Variants in SLC44A5 observed in about 807,000 individuals in gnomAD.
SLC44A5 encodes choline transporter-like protein 5.
In SLC44A5, 57 loss-of-function variants were observed where a neutral mutation model predicts 101.8. The observed-to-expected ratio is 0.56, with a 90% CI of 0.45 to 0.70. SLC44A5 has a LOEUF of 0.70. SLC44A5 is among the 30% of genes least tolerant of loss of function. The pLI is 0.00. For missense variants in SLC44A5, 737 were observed against 853.1 expected (o/e 0.86, Z 1.70); for synonymous variants, 281 against 290.9 (o/e 0.97, Z 0.35).
At chr1:75,706,943 G>A in the SLC44A5 span, among the ~76,000 whole-genome samples, 1 of 152,174 alleles carries the variant, frequency 6.6e-6, no homozygotes, top group East Asian at 1.9e-4. Flanking sequence ...ATGACTGATT[G>A]TATCTCTAAA....
At chr1:75,263,340 T>C (rs893773708) in intron 6 of SLC44A5, among the ~76,000 whole-genome samples, 9 of 152,082 alleles carry the variant, frequency 5.9e-5, no homozygotes, top group Non-Finnish European at 1.3e-4. Flanking sequence ...AGACACTTCT[T>C]AGAAGAAGAC....
chr1:75,234,539 T>C (rs1647892706), intron 11 of SLC44A5, among the ~76,000 whole-genome samples: 1 of 152,050 alleles, frequency 6.6e-6, no homozygotes, highest in Non-Finnish European at 1.5e-5. Context: ...TATGGCTATC[T>C]AGAAGTAAGA....
intron 1 of SLC44A5, among the ~76,000 whole-genome samples, chr1:75,588,222 A>G (rs998744377): frequency 1.6e-4 from 21 of 128,580 alleles, no homozygotes; most frequent in Admixed American, 5.4e-4. Context: ...GAAGGAAGGA[A>G]GGAGGGAGGG....
At position 75,315,641 on chromosome 1, in the gene SLC44A5, A is replaced by G. The variant is rs187081048; in HGVS notation, c.102-14956T>C. ...GGCTTTCTCATGATCTTCTAATTCT[A>G]TCTGTTAATCTAAAGTAATCTCATC... is the stretch of plus-strand genomic sequence containing the variant. On this transcript the variant is annotated intron_variant, in intron 4 of 23. Transcript: ENST00000370859. 3.9e-5 allele frequency among the ~76,000 whole-genome samples: 6 copies of G among 152,166 alleles called. No homozygotes were observed. The East Asian group carries it at 1.2e-3, about 29-fold the overall frequency.
At chr1:75,272,838 G>A (rs112156016) in intron 6 of SLC44A5, among the ~76,000 whole-genome samples, 132 of 152,156 alleles carry the variant, frequency 8.7e-4, no homozygotes, top group African/African-American at 3.1e-3. Context: ...CTCCAGATTT[G>A]TTCTTGCTTA....
intron 13 of SLC44A5, among the ~76,000 whole-genome samples, chr1:75,223,350 GT>G (rs759543735): frequency 6.6e-6 from 1 of 151,866 alleles, no homozygotes; most frequent in South Asian, 2.1e-4. Flanking sequence ...GCTTGAACTA[GT>G]TTTTTTTAAA....
intron 2 of SLC44A5, among the ~76,000 whole-genome samples, chr1:75,488,255 C>G (rs535545169): frequency 2.0e-4 from 31 of 152,140 alleles, no homozygotes; most frequent in African/African-American, 7.0e-4. Flanking sequence ...TCCCAAAGTC[C>G]GTGGAAAAAT....
At chr1:75,569,972 C>T (rs1039806985) in intron 1 of SLC44A5, among the ~76,000 whole-genome samples, 4 of 152,192 alleles carry the variant, frequency 2.6e-5, no homozygotes, top group Non-Finnish European at 5.9e-5. Context: ...GCACCTGGTG[C>T]TTAATTCAGC....
intron 13 of SLC44A5, among the ~76,000 whole-genome samples, chr1:75,223,453 A>G (rs768922903): frequency 6.6e-6 from 1 of 152,198 alleles, no homozygotes; most frequent in Non-Finnish European, 1.5e-5. Context: ...GTGAAGAAAC[A>G]CTTCATTAAA....
chr1:75,333,749 G>C (rs1056121371), intron 4 of SLC44A5, among the ~76,000 whole-genome samples: 2 of 152,130 alleles, frequency 1.3e-5, no homozygotes, highest in Non-Finnish European at 2.9e-5. Flanking sequence ...GGAAAAAGGA[G>C]AGTGTGTCTA....
intron 6 of SLC44A5, among the ~76,000 whole-genome samples, chr1:75,270,875 T>A (rs1383142418): frequency 1.3e-5 from 2 of 152,204 alleles, no homozygotes; most frequent in East Asian, 3.8e-4. Context: ...CACATTTTTG[T>A]TTGACATAAG....
At chr1:75,584,221 T>C (rs1433619018) in intron 1 of SLC44A5, among the ~76,000 whole-genome samples, 1 of 152,220 alleles carries the variant, frequency 6.6e-6, no homozygotes, top group African/African-American at 2.4e-5. Flanking sequence ...TAGTCTAGTC[T>C]ATGTGGAAAT....
At chr1:75,705,832 C>T in the SLC44A5 span, among the ~76,000 whole-genome samples, 1 of 152,066 alleles carries the variant, frequency 6.6e-6, no homozygotes, top group South Asian at 2.1e-4. Flanking sequence ...AGGTGCACCA[C>T]CACGCCGGAC....
chr1:75,716,531 T>C, the SLC44A5 span, among the ~76,000 whole-genome samples: 4 of 152,188 alleles, frequency 2.6e-5, no homozygotes, highest in Non-Finnish European at 5.9e-5. Flanking sequence ...CAATGTAAAT[T>C]AGTTCAGCCA....
At chr1:75,476,172 G>C (rs1019571762) in intron 2 of SLC44A5, among the ~76,000 whole-genome samples, 2 of 151,690 alleles carry the variant, frequency 1.3e-5, no homozygotes, top group Admixed American at 6.6e-5. Flanking sequence ...GACAGAAAGA[G>C]ATTCTGTATC....
intron 5 of SLC44A5, among the ~76,000 whole-genome samples, chr1:75,300,255 T>C (rs895109208): frequency 9.2e-5 from 14 of 152,098 alleles, no homozygotes; most frequent in South Asian, 2.1e-4. Flanking sequence ...TATTTAGTAT[T>C]ACCTAAAAAG....
chr1:75,677,607 A>T, the SLC44A5 span: 1 of 302,032 alleles, frequency 3.3e-6, no homozygotes. Flanking sequence ...AACTAATAAC[A>T]AAATGGTAGG....
At chr1:75,409,937 T>C (rs1663166586) in intron 2 of SLC44A5, among the ~76,000 whole-genome samples, 1 of 152,062 alleles carries the variant, frequency 6.6e-6, no homozygotes, top group East Asian at 1.9e-4. Context: ...CATACATATA[T>C]ACTTGCAATA....
chr1:75,332,009 T>A (rs1375146927), intron 4 of SLC44A5, among the ~76,000 whole-genome samples: 3 of 152,302 alleles, frequency 2.0e-5, no homozygotes, highest in African/African-American at 7.2e-5. Flanking sequence ...ATTTCTCAGA[T>A]GTTTTCTGCC....
Sources: gnomAD v4.1 joint callset for allele counts (sites outside exome capture counted in the v4.1 genomes callset) on GRCh38, gnomAD v4.1.1 for gene constraint, MANE v1.5 for transcripts, NCBI Gene and HGNC (gene_info 2026-07-23, HGNC 2026-07-21) for gene names.